FER1L6: variants seen among roughly 807,000 people sequenced by gnomAD.
FER1L6 encodes fer-1-like protein 6.
FER1L6 carries 177 observed loss-of-function variants against 219.2 expected under a neutral mutation model. The observed-to-expected ratio is 0.81, with a 90% CI of 0.71 to 0.91. The LOEUF (loss-of-function observed/expected upper bound fraction) is 0.91. Among genes scored for constraint, FER1L6 ranks in the 40% least tolerant of loss-of-function variants. The pLI, the probability that FER1L6 is intolerant of heterozygous loss-of-function variation, is 0.00. For synonymous variants in FER1L6, 768 were observed against 824.3 expected (o/e 0.93, Z 1.17); for missense variants, 2,153 against 2,259.9 (o/e 0.95, Z 0.96).
intron 22 of FER1L6, among the ~76,000 whole-genome samples, chr8:124,058,351 A>G (rs1360390162): frequency 6.6e-6 from 1 of 152,238 alleles, no homozygotes; most frequent in East Asian, 1.9e-4. Flanking sequence ...TCTGGCTTTC[A>G]GACCAACTAC....
rs543192766 is a variant in FER1L6 at position 123,980,577 on chromosome 8, A to G, written c.1176A>G (p.Ser392=). 1.2e-6 allele frequency: 2 copies of G among 1,614,186 alleles called. No homozygotes were observed. The highest frequency in any genetic ancestry group is 3.3e-5 in the Admixed American group (2 of 60,018). ...ACGAAGGCTTTGGGGAAGGTGTGTC[A>G]TTCAGGGGCAGAATCTTGGTAGAAA... ...EMNEGFGEGV[S]FRGRILVEIA... Residue 392 remains serine (S), a synonymous_variant, in exon 11 of 41, where the codon TCA becomes TCG. Transcript: ENST00000522917.
chr8:124,004,600 A>G (rs1351021285), intron 13 of FER1L6, among the ~76,000 whole-genome samples: 4 of 151,942 alleles, frequency 2.6e-5, no homozygotes, highest in Non-Finnish European at 5.9e-5. Context: ...TGTCCCACAG[A>G]TTACTCACCA....
chr8:123,854,981 A>G (rs567586518), intron 1 of FER1L6, among the ~76,000 whole-genome samples: 1 of 152,326 alleles, frequency 6.6e-6, no homozygotes, highest in East Asian at 1.9e-4. Flanking sequence ...ATGGCTTACA[A>G]TCATCACCTC....
chr8:124,010,877 G>A (rs1020417961), intron 14 of FER1L6, among the ~76,000 whole-genome samples, 163 bp downstream of exon 14: 3 of 152,140 alleles, frequency 2.0e-5, no homozygotes, highest in Non-Finnish European at 4.4e-5. Flanking sequence ...AAATCTAGGG[G>A]AATGAGACCT....
intron 1 of FER1L6, among the ~76,000 whole-genome samples, chr8:123,879,776 A>G (rs1016282702): frequency 1.3e-5 from 2 of 152,130 alleles, no homozygotes; most frequent in African/African-American, 4.8e-5. Flanking sequence ...TGTTGGGAAA[A>G]TGGAGGCTTA....
At chr8:123,913,810 T>G (rs1214615009) in intron 1 of FER1L6, among the ~76,000 whole-genome samples, 6 of 152,132 alleles carry the variant, frequency 3.9e-5, no homozygotes, top group African/African-American at 1.4e-4. Flanking sequence ...TATGAAATTA[T>G]TCCTAACTGT....
At chr8:123,919,123 G>A (rs1460992703) in intron 1 of FER1L6, among the ~76,000 whole-genome samples, 1 of 152,168 alleles carries the variant, frequency 6.6e-6, no homozygotes, top group East Asian at 1.9e-4. Flanking sequence ...GAACTCCTTG[G>A]GAAGGAAGGG....
Position 123,986,173 on chromosome 8 carries a change from A to G in FER1L6, c.1516A>G (p.Ile506Val), listed in dbSNP as rs769712506. 17 of 1,585,988 alleles carry G rather than the reference A, an allele frequency of 1.1e-5. No homozygotes were observed. Among genetic ancestry groups the G allele is most frequent in the African/African-American group, 4.0e-5 (3 of 74,334 alleles). The change falls in exon 12 of 41, where the codon ATT becomes GTT. Residue 506 changes from isoleucine to valine, a missense_variant. Physicochemically the swap from Ile to Val is conservative, Grantham distance 29. Transcript: ENST00000522917. ...GDKPISFEVS[I>V]GNFGNLIDGG... ...TAAACCCATCAGCTTTGAAGTTTCTATTGGTAAGTACAGATAAGCACAGTG... is the reference window on the plus strand; with the variant it reads ...TAAACCCATCAGCTTTGAAGTTTCTGTTGGTAAGTACAGATAAGCACAGTG...
At chr8:123,879,209 G>A (rs1250737301) in intron 1 of FER1L6, among the ~76,000 whole-genome samples, 1 of 152,110 alleles carries the variant, frequency 6.6e-6, no homozygotes, top group Non-Finnish European at 1.5e-5. Context: ...AGGCTGAAGC[G>A]GGAAGATCAG....
At chr8:123,965,586 C>T (rs1815500660) in intron 3 of FER1L6, among the ~76,000 whole-genome samples, 2 of 152,160 alleles carry the variant, frequency 1.3e-5, no homozygotes, top group African/African-American at 4.8e-5. Flanking sequence ...TTAGACATGG[C>T]AGAATGGTCC....
At chr8:124,043,941 A>C (rs143917088) in intron 20 of FER1L6, among the ~76,000 whole-genome samples, 3 of 152,370 alleles carry the variant, frequency 2.0e-5, no homozygotes, top group Non-Finnish European at 2.9e-5. Flanking sequence ...AGCATCTGCT[A>C]TGCACAGAGT....
At chr8:123,912,178 C>G (rs1813057815) in intron 1 of FER1L6, among the ~76,000 whole-genome samples, 1 of 152,038 alleles carries the variant, frequency 6.6e-6, no homozygotes, top group African/African-American at 2.4e-5. Context: ...ATCCTAGGAT[C>G]CTTTAATTCT....
At chr8:124,102,660 C>A (rs7815620) in intron 38 of FER1L6, among the ~76,000 whole-genome samples, 120,603 of 152,174 alleles carry the variant, frequency 0.79, 48,266 homozygotes, top group Non-Finnish European at 0.86. Context: ...TGTTGGGAAC[C>A]CACTAAGGTT....
In FER1L6 at chr8:123,940,388, AG is replaced by A. The variant is rs555838862; in HGVS notation, c.-7-15603del. Among the ~76,000 whole-genome samples, 205 of 152,208 alleles carry A rather than the reference AG, an allele frequency of 1.3e-3. 1 individual carries two copies. Among genetic ancestry groups the A allele is most frequent in the African/African-American group, 4.6e-3 (189 of 41,536 alleles). ...TTTGAGACAGCGTCACCCAGGTTGG[AG>A]TGCAATGGTGCGATCTCAGCTTACT... On this transcript the variant is annotated intron_variant, in intron 1 of 40. Coordinates refer to ENST00000522917, the MANE Select transcript of FER1L6 (RefSeq NM_001039112.2).
At chr8:123,869,427 T>A (rs1816889574) in intron 1 of FER1L6, among the ~76,000 whole-genome samples, 1 of 152,186 alleles carries the variant, frequency 6.6e-6, no homozygotes. Context: ...AGGAAATACG[T>A]CTGAAGCTGA....
rs1823038237 is a variant in FER1L6 at position 124,111,961 on chromosome 8, T to C, written c.5290-6883T>C. Among the ~76,000 whole-genome samples the C allele has an allele frequency of 6.6e-6, 1 of 152,182 alleles. No homozygotes were observed. The highest frequency in any genetic ancestry group is 6.6e-5 in the Admixed American group (1 of 15,264). ...GCTCTGGTTCAAATGCCTCTGACAC[T>C]CTTTCCCCCTTAAGTAACCAATAAC... On this transcript the variant is annotated intron_variant, in intron 39 of 40. Coordinates refer to ENST00000522917, the MANE Select transcript of FER1L6 (RefSeq NM_001039112.2). The surrounding 1 kb of genome is among the most constrained non-coding windows in gnomAD (Gnocchi z 5.0).
At chr8:123,870,864 T>A (rs1816911349) in intron 1 of FER1L6, among the ~76,000 whole-genome samples, 1 of 152,128 alleles carries the variant, frequency 6.6e-6, no homozygotes, top group Non-Finnish European at 1.5e-5. Context: ...GAGAAAATAA[T>A]CTACCTGTAT....
intron 12 of FER1L6, among the ~76,000 whole-genome samples, chr8:123,996,931 A>G (rs1476237955): frequency 6.6e-6 from 1 of 151,852 alleles, no homozygotes; most frequent in Non-Finnish European, 1.5e-5. Context: ...AATTTCATCC[A>G]CTCACTTTTA....
chr8:124,020,568 C>G (rs1288258866), intron 16 of FER1L6, among the ~76,000 whole-genome samples: 2 of 152,290 alleles, frequency 1.3e-5, no homozygotes, highest in East Asian at 3.9e-4. Context: ...TTATACTGAG[C>G]TTTCTGGCAG....
Sources: allele counts gnomAD v4.1 joint callset (sites outside exome capture counted in the v4.1 genomes callset), GRCh38; gene constraint gnomAD v4.1.1; non-coding constraint Gnocchi (gnomAD v3.1); transcripts MANE v1.5; gene names NCBI Gene and HGNC (gene_info 2026-07-23, HGNC 2026-07-21).